The following CCDC13 variants were observed in gnomAD, a reference collection of about 807,000 sequenced individuals.
CCDC13 encodes coiled-coil domain containing 13, also known as coiled-coil domain-containing protein 13.
CCDC13 carries 70 observed loss-of-function variants against 87.3 expected under a neutral mutation model. The observed-to-expected ratio is 0.80, with a 90% CI of 0.66 to 0.98. CCDC13 has a LOEUF of 0.98. Ranked by LOEUF, CCDC13 falls within the 50% of genes least tolerant of loss-of-function variation. The pLI is 0.00. For missense variants in CCDC13, 842 were observed against 892.0 expected (o/e 0.94, Z 0.71); for synonymous variants, 317 against 360.3 (o/e 0.88, Z 1.36).
At position 42,749,779 on chromosome 3, in the gene CCDC13, C is replaced by T. The variant is rs1005370342; in HGVS notation, c.603+2157G>A. On this transcript the variant is annotated intron_variant, in intron 5 of 15. Coordinates refer to ENST00000310232, the MANE Select transcript of CCDC13 (RefSeq NM_144719.4). The stretch of plus-strand genomic sequence containing the variant: ...GTTTTCTTTGAGAAAATAACTAAAG[C>T]GCAGTACATGGGGAGCAGATGATGC... 1.9e-5 allele frequency: 8 copies of T among 431,094 alleles called. No homozygotes were observed. In the East Asian group the frequency reaches 2.2e-4, roughly 12 times the overall value. The allele number at this position is 431,094 out of a possible 1,614,324, so 26.7% of individuals were successfully genotyped here. A position where few individuals can be genotyped will look rare whatever the true frequency, so the allele number is the denominator to read the frequency against.
chr3:42,758,095 A>C lies in CCDC13; in HGVS notation c.221+30T>G, dbSNP rs775799989. The C allele has an allele frequency of 4.4e-5, 65 of 1,466,038 alleles. No individual in the cohort carries two copies. In the African/African-American group the frequency reaches 7.0e-4, roughly 16 times the overall value. The allele number at this position is 1,466,038 out of a possible 1,614,324, so 90.8% of individuals were successfully genotyped here. On this transcript the variant is annotated intron_variant, in intron 2 of 15. Coordinates refer to ENST00000310232, the MANE Select transcript of CCDC13 (RefSeq NM_144719.4). ...CACACACACACACACACACACACACACCCCTGAGAGATTTCAAACTTGCAT... is the reference window on the plus strand; with the variant it reads ...CACACACACACACACACACACACACCCCCCTGAGAGATTTCAAACTTGCAT...
rs1216805026 is a variant in CCDC13, at chr3:42,708,903, T to G, written c.*77A>C. Reference sequence around the variant, plus strand: ...CCCTGGGCTGGCTTCCCGGAGCAGATGGAGTCCTCAGACAGAGTCTTATCC... The same window carrying G: ...CCCTGGGCTGGCTTCCCGGAGCAGAGGGAGTCCTCAGACAGAGTCTTATCC... On this transcript the variant is annotated 3_prime_UTR_variant, in exon 16 of 16. Coordinates refer to ENST00000310232, the MANE Select transcript of CCDC13 (RefSeq NM_144719.4). 3.4e-6 allele frequency: 5 copies of G among 1,452,176 alleles called. No individual in the cohort carries two copies. Among genetic ancestry groups the G allele is most frequent in the Non-Finnish European group, 4.6e-6 (5 of 1,092,136 alleles). 90.0% of individuals were successfully genotyped at this position (1,452,176 alleles called of 1,614,324 possible). A position where few individuals can be genotyped will look rare whatever the true frequency, so the allele number is the denominator to read the frequency against.
intron 1 of CCDC13, among the ~76,000 whole-genome samples, chr3:42,770,064 A>T (rs1700030815): frequency 6.6e-6 from 1 of 152,238 alleles, no homozygotes; most frequent in African/African-American, 2.4e-5. Context: ...ACACAGCGGG[A>T]CTGGCCGGCA....
chr3:42,742,799 C>T, intron 8 of CCDC13, 97 bp downstream of exon 8: 2 of 1,487,894 alleles, frequency 1.3e-6, no homozygotes, highest in South Asian at 1.3e-5. Flanking sequence ...GAAGGGGTGG[C>T]TCAGACTTCT....
In CCDC13 at chr3:42,730,467, C is replaced by T. The variant is rs141485184; in HGVS notation, c.1718G>A (p.Arg573Gln). ...GAGATCCCTGGGTGCCATGTGTTAC[C>T]GTTTCTGCAGGACAGTGACAAACTC... ...LTEFVTVLQK[R>Q]VEESNSKLLE... Residue 573 changes from arginine (R) to glutamine (Q), a missense_variant and splice_region_variant, in exon 13 of 16, where the codon CGG becomes CAG. By Grantham distance (43) the Arg-to-Gln change is conservative (BLOSUM62 1). Transcript: ENST00000310232. 11 of 1,613,062 alleles carry T rather than the reference C, an allele frequency of 6.8e-6. No homozygotes were observed. Among genetic ancestry groups the T allele is most frequent in the East Asian group, 2.2e-5 (1 of 44,814 alleles).
At chr3:42,746,586 T>C (rs1397618815) in intron 6 of CCDC13, 1 of 163,800 alleles carries the variant, frequency 6.1e-6, no homozygotes, top group Non-Finnish European at 1.3e-5. Context: ...ACGCTCCAGC[T>C]TGTGACCTGG....
At chr3:42,736,288 GCCAGGGAT>G (rs1699017938) in intron 9 of CCDC13, among the ~76,000 whole-genome samples, 1 of 152,152 alleles carries the variant, frequency 6.6e-6, no homozygotes, top group African/African-American at 2.4e-5. Flanking sequence ...CTGGACCCCT[GCCAGGGAT>G]CCATTAGCAC....
chr3:42,728,456 G>C (rs1312099505), intron 13 of CCDC13, among the ~76,000 whole-genome samples: 1 of 146,736 alleles, frequency 6.8e-6, no homozygotes, highest in Non-Finnish European at 1.5e-5. Context: ...TAGATATTGA[G>C]GATCTCTGAG....
At position 42,706,725 on chromosome 3, in the gene CCDC13, A is replaced by C. The variant is rs1434667757; in HGVS notation, c.*2255T>G. 6.6e-6 allele frequency: 1 copy of C among 152,240 alleles called. No individual in the cohort carries two copies. The highest frequency in any genetic ancestry group is 1.5e-5 in the Non-Finnish European group (1 of 68,046). 9.4% of individuals were successfully genotyped at this position (152,240 alleles called of 1,614,324 possible). A position where few individuals can be genotyped will look rare whatever the true frequency, so the allele number is the denominator to read the frequency against. ...CTCTTATATAACTCTTGTTGAAATCAGTCTATAGATACATGTTCCTTGTAC... is the reference window on the plus strand; with the variant it reads ...CTCTTATATAACTCTTGTTGAAATCCGTCTATAGATACATGTTCCTTGTAC... On this transcript the variant is annotated 3_prime_UTR_variant, in exon 16 of 16. Transcript: ENST00000310232.
Position 42,739,022 on chromosome 3 carries a change from T to C in CCDC13, c.1164+612A>G, listed in dbSNP as rs950701785. Among the ~76,000 whole-genome samples the C allele has an allele frequency of 2.6e-5, 4 of 152,244 alleles. 1 individual carries two copies. The highest frequency in any genetic ancestry group is 9.6e-5 in the African/African-American group (4 of 41,472). On this transcript the variant is annotated intron_variant, in intron 9 of 15. Transcript: ENST00000310232. ...AGGGAATGCTTCCAGTTTTTGCCCA[T>C]TCAGTATGATATTGGCTGTGGGTTT...
chr3:42,771,855 T>G (rs531752959), intron 1 of CCDC13, among the ~76,000 whole-genome samples: 2 of 152,304 alleles, frequency 1.3e-5, no homozygotes, highest in South Asian at 4.1e-4. Flanking sequence ...TGATAACAAA[T>G]GTACCACACC....
chr3:42,767,696 C>T (rs141878720), intron 1 of CCDC13, among the ~76,000 whole-genome samples: 96 of 152,262 alleles, frequency 6.3e-4, no homozygotes, highest in African/African-American at 2.3e-3. Flanking sequence ...CTAGGCTAGG[C>T]GTGGTGGCTC....
intron 13 of CCDC13, among the ~76,000 whole-genome samples, chr3:42,721,104 T>C (rs1194241125): frequency 6.6e-6 from 1 of 152,238 alleles, no homozygotes; most frequent in Non-Finnish European, 1.5e-5. Context: ...GTGTTACTGG[T>C]ATATGTTCCA....
At chr3:42,756,279 A>G (rs1699702083) in intron 3 of CCDC13, among the ~76,000 whole-genome samples, 1 of 152,228 alleles carries the variant, frequency 6.6e-6, no homozygotes, top group African/African-American at 2.4e-5. Context: ...AGGACAATCA[A>G]GTCCAAAGTC....
intron 3 of CCDC13, among the ~76,000 whole-genome samples, chr3:42,753,317 A>G (rs1164300406): frequency 6.6e-6 from 1 of 152,240 alleles, no homozygotes; most frequent in Non-Finnish European, 1.5e-5. Context: ...TAGATCGGCC[A>G]ATCCCCAACC....
chr3:42,718,978 G>T (rs2125873183), intron 13 of CCDC13: 1 of 152,266 alleles, frequency 6.6e-6, no homozygotes, highest in South Asian at 2.1e-4. Flanking sequence ...AAAGATGCTT[G>T]ACTGACCTTG....
intron 14 of CCDC13, among the ~76,000 whole-genome samples, chr3:42,710,466 G>C (rs891243044): frequency 6.6e-6 from 1 of 152,112 alleles, no homozygotes; most frequent in Non-Finnish European, 1.5e-5. Context: ...CATACCAGTG[G>C]TCCCCATCCA....
chr3:42,758,016 C>T, intron 2 of CCDC13, 109 bp downstream of exon 2: 1 of 879,500 alleles, frequency 1.1e-6, no homozygotes, highest in Non-Finnish European at 1.7e-6. Context: ...AAGCTTCCTT[C>T]TATCACTTTA....
At chr3:42,770,349 C>T (rs917521456) in intron 1 of CCDC13, among the ~76,000 whole-genome samples, 9 of 152,278 alleles carry the variant, frequency 5.9e-5, no homozygotes, top group African/African-American at 1.9e-4. Flanking sequence ...ATACACCAAT[C>T]GGCACTCTGT....
Sources: allele counts gnomAD v4.1 joint callset (sites outside exome capture counted in the v4.1 genomes callset), GRCh38; gene constraint gnomAD v4.1.1; transcripts MANE v1.5; gene names NCBI Gene and HGNC (gene_info 2026-07-23, HGNC 2026-07-21).